Variants in ADGRL3 observed in about 807,000 individuals in gnomAD.
ADGRL3 encodes the protein adhesion G protein-coupled receptor L3.
Under a neutral mutation model 153.5 loss-of-function variants are expected in ADGRL3, and 62 were observed. That is an observed-to-expected ratio of 0.40 (90% CI 0.33 to 0.50). ADGRL3 has a LOEUF of 0.50. Ranked by LOEUF, ADGRL3 falls within the 20% of genes least tolerant of loss-of-function variation. The pLI, the probability that ADGRL3 is intolerant of heterozygous loss-of-function variation, is 0.47. For missense variants in ADGRL3, 1,641 were observed against 1,859.4 expected (o/e 0.88, Z 2.16); for synonymous variants, 710 against 672.5 (o/e 1.06, Z -0.86).
chr4:61,626,584 C>T (rs1019490572), intron 5 of ADGRL3, among the ~76,000 whole-genome samples: 1 of 152,004 alleles, frequency 6.6e-6, no homozygotes, highest in Non-Finnish European at 1.5e-5. Context: ...GATATGTTTC[C>T]TAAGTTATGT....
intron 8 of ADGRL3, among the ~76,000 whole-genome samples, chr4:61,734,813 G>A (rs937405747): frequency 2.6e-5 from 4 of 152,196 alleles, no homozygotes; most frequent in African/African-American, 9.7e-5. Flanking sequence ...CCGTTCAGCT[G>A]TAAAAATGTA....
chr4:61,906,376 C>G (rs2149776167), intron 11 of ADGRL3: 1 of 152,174 alleles, frequency 6.6e-6, no homozygotes, highest in East Asian at 1.9e-4. Flanking sequence ...ACTTGCTATA[C>G]AACCCCCACA....
chr4:61,953,369 TCTC>T (rs1274812840), intron 17 of ADGRL3, among the ~76,000 whole-genome samples: 1 of 152,198 alleles, frequency 6.6e-6, no homozygotes, highest in African/African-American at 2.4e-5. Flanking sequence ...GATGCATCCT[TCTC>T]CACTCCAGAG....
Position 61,513,761 on chromosome 4 carries a change from A to C in ADGRL3, c.56-3554A>C, listed in dbSNP as rs890093669. On this transcript the variant is annotated intron_variant, in intron 3 of 26. Coordinates refer to ENST00000683033, the MANE Select transcript of ADGRL3 (RefSeq NM_001387552.1). ...ATAGAAAATCTCCCCCTCAATTCAAATAAAATCCTAATCAAATATGCAGTT... is the reference window on the plus strand; with the variant it reads ...ATAGAAAATCTCCCCCTCAATTCAACTAAAATCCTAATCAAATATGCAGTT... 2.6e-5 allele frequency among the ~76,000 whole-genome samples: 4 copies of C among 152,206 alleles called. No homozygotes were observed. The East Asian group carries it at 7.7e-4, about 29-fold the overall frequency.
intron 2 of ADGRL3, among the ~76,000 whole-genome samples, chr4:61,446,682 G>T (rs1049180139): frequency 2.6e-5 from 4 of 152,190 alleles, no homozygotes; most frequent in African/African-American, 9.6e-5. Context: ...GTTTGTAAAT[G>T]TGGAGCTCTG....
chr4:61,625,642 G>T (rs1478865587), intron 5 of ADGRL3, among the ~76,000 whole-genome samples: 2 of 151,838 alleles, frequency 1.3e-5, no homozygotes, highest in Non-Finnish European at 1.5e-5. Context: ...CCTAATGAGA[G>T]GTCAGACAAA....
chr4:61,692,201 C>G (rs957862544), intron 6 of ADGRL3, among the ~76,000 whole-genome samples: 2 of 152,086 alleles, frequency 1.3e-5, no homozygotes, highest in Admixed American at 1.3e-4. Flanking sequence ...CATATTCTCA[C>G]AGTAATCTGT....
chr4:62,039,329 A>G lies in ADGRL3; in HGVS notation c.3717+1473A>G, dbSNP rs528794669. On this transcript the variant is annotated intron_variant, in intron 24 of 26. Transcript: ENST00000683033. ...GAACACAGTTATAAATTAATGGATG[A>G]CCAGTGTTTTCATAAACAATTTCCT... is the stretch of plus-strand genomic sequence containing the variant. 2.9e-4 allele frequency among the ~76,000 whole-genome samples: 44 copies of G among 152,314 alleles called. 1 individual carries two copies. The highest frequency in any genetic ancestry group is 1.1e-3 in the African/African-American group (44 of 41,590).
chr4:61,698,433 C>T (rs1021093865), intron 6 of ADGRL3, among the ~76,000 whole-genome samples: 5 of 151,936 alleles, frequency 3.3e-5, no homozygotes, highest in African/African-American at 1.2e-4. Flanking sequence ...GTCTGGGTGA[C>T]AGTGAGACTC....
intron 15 of ADGRL3, among the ~76,000 whole-genome samples, chr4:61,946,567 T>G (rs1490443477): frequency 5.3e-5 from 8 of 152,192 alleles, no homozygotes; most frequent in Admixed American, 5.2e-4. Context: ...TTTTGGAGTC[T>G]TATTGAAGAC....
rs192766244 is a variant in ADGRL3 at position 61,841,317 on chromosome 4, C to A, written c.1480+27428C>A. Among the ~76,000 whole-genome samples, 158 of 150,014 alleles carry A rather than the reference C, an allele frequency of 1.1e-3. 3 individuals are homozygous for A. Among genetic ancestry groups the A allele is most frequent in the Non-Finnish European group, 9.6e-4 (65 of 67,826 alleles). On this transcript the variant is annotated intron_variant, in intron 9 of 26. Coordinates refer to ENST00000683033, the MANE Select transcript of ADGRL3 (RefSeq NM_001387552.1). ...AATAAGCTGGAGGCTCACGTATTTG[C>A]ATATAAATTAGGTCATTTCTTAAAT...
chr4:61,529,813 A>T (rs532840752), intron 4 of ADGRL3, among the ~76,000 whole-genome samples: 2 of 152,256 alleles, frequency 1.3e-5, no homozygotes, highest in African/African-American at 4.8e-5. Context: ...TAAAGTTTTA[A>T]TTGACACTTG....
chr4:61,490,516 T>C (rs563157918), intron 2 of ADGRL3, among the ~76,000 whole-genome samples: 57 of 152,216 alleles, frequency 3.7e-4, no homozygotes, highest in Admixed American at 3.1e-3. Flanking sequence ...AAATGTTTCT[T>C]GAAAATATTA....
chr4:61,830,383 A>C lies in ADGRL3; in HGVS notation c.1480+16494A>C, dbSNP rs147029352. ...GACCTTCTCTCTAAACAAACAAACAAAACAAACAGACAAAAAAGAAGTAAT... is the reference window on the plus strand; with the variant it reads ...GACCTTCTCTCTAAACAAACAAACACAACAAACAGACAAAAAAGAAGTAAT... On this transcript the variant is annotated intron_variant, in intron 9 of 26. Coordinates refer to ENST00000683033, the MANE Select transcript of ADGRL3 (RefSeq NM_001387552.1). Among the ~76,000 whole-genome samples the C allele has an allele frequency of 7.9e-5, 12 of 152,196 alleles. 1 individual carries two copies. The highest frequency in any genetic ancestry group is 2.6e-4 in the African/African-American group (11 of 41,528).
chr4:61,711,491 T>TATATATATATATATATATATAC (rs757078842), intron 6 of ADGRL3, among the ~76,000 whole-genome samples: 10 of 89,204 alleles, frequency 1.1e-4, no homozygotes, highest in East Asian at 1.1e-3. Flanking sequence ...TATATATATA[T>TATATATATATATATATATATAC]ACACACACAC....
chr4:61,286,890 T>C (rs1221304787), intron 1 of ADGRL3, among the ~76,000 whole-genome samples: 1 of 151,784 alleles, frequency 6.6e-6, no homozygotes, highest in African/African-American at 2.4e-5. Flanking sequence ...TAGTTGTATA[T>C]ACATTTTCTC....
intron 5 of ADGRL3, among the ~76,000 whole-genome samples, chr4:61,613,994 G>C (rs1051440511): frequency 2.6e-5 from 4 of 152,040 alleles, no homozygotes; most frequent in African/African-American, 7.2e-5. Flanking sequence ...TAGCGGTAAG[G>C]ATGGTTAGTG....
intron 8 of ADGRL3, among the ~76,000 whole-genome samples, chr4:61,772,759 C>T (rs1311551566): frequency 6.6e-6 from 1 of 152,070 alleles, no homozygotes; most frequent in Non-Finnish European, 1.5e-5. Flanking sequence ...TAAAATGCTT[C>T]AGGAGAAAAT....
chr4:62,006,863 A>T (rs577782046), intron 21 of ADGRL3, among the ~76,000 whole-genome samples: 3 of 152,100 alleles, frequency 2.0e-5, no homozygotes, highest in Admixed American at 6.6e-5. Context: ...TTTCTGTTAG[A>T]ATGGCCACTG....
Sources: gnomAD v4.1 joint callset for allele counts (sites outside exome capture counted in the v4.1 genomes callset) on GRCh38, gnomAD v4.1.1 for gene constraint, MANE v1.5 for transcripts, NCBI Gene and HGNC (gene_info 2026-07-23, HGNC 2026-07-21) for gene names.